Variants in ZFPM2 observed in about 807,000 individuals in gnomAD.
The protein encoded by ZFPM2 is zinc finger protein, FOG family member 2, also known as zinc finger protein ZFPM2.
A neutral mutation model predicts 98.6 loss-of-function variants in ZFPM2; 20 were observed. The ratio of observed to expected loss-of-function variants is 0.20; its 90% CI spans 0.14 to 0.29. The LOEUF (loss-of-function observed/expected upper bound fraction) is 0.29, where lower values mean the gene tolerates loss of function less well. Among genes scored for constraint, ZFPM2 ranks in the 10% least tolerant of loss-of-function variants. The pLI, the probability that ZFPM2 is intolerant of heterozygous loss-of-function variation, is 1.00. For synonymous variants in ZFPM2, 518 were observed against 502.7 expected (o/e 1.03, Z -0.41); for missense variants, 1,310 against 1,388.6 (o/e 0.94, Z 0.90).
chr8:105,325,476 T>G (rs1045656946), intron 1 of ZFPM2, among the ~76,000 whole-genome samples: 3 of 151,822 alleles, frequency 2.0e-5, no homozygotes, highest in African/African-American at 7.2e-5. Flanking sequence ...TAGTATTAAT[T>G]AATCACCATT....
At chr8:105,719,144 T>C (rs1208731428) in intron 5 of ZFPM2, among the ~76,000 whole-genome samples, 2 of 151,964 alleles carry the variant, frequency 1.3e-5, no homozygotes, top group African/African-American at 4.8e-5. Context: ...TTCTAACAAC[T>C]ATCATCTGCA....
intron 5 of ZFPM2, among the ~76,000 whole-genome samples, chr8:105,646,426 G>T (rs890236135): frequency 2.0e-5 from 3 of 152,098 alleles, no homozygotes; most frequent in Non-Finnish European, 4.4e-5. Context: ...GCGATGAGGG[G>T]TATGATGAGG....
At chr8:105,795,457 G>A (rs1489534379) in intron 6 of ZFPM2, among the ~76,000 whole-genome samples, 2 of 151,254 alleles carry the variant, frequency 1.3e-5, no homozygotes, top group African/African-American at 4.9e-5. Flanking sequence ...TGCTTCTATA[G>A]TAGAAAAAAT....
chr8:105,611,380 A>G (rs1375852300), intron 4 of ZFPM2, among the ~76,000 whole-genome samples: 1 of 152,174 alleles, frequency 6.6e-6, no homozygotes, highest in Non-Finnish European at 1.5e-5. Context: ...ATTCAGTCAG[A>G]TTGCCTTCCT....
chr8:105,675,782 T>A (rs1379385712), intron 5 of ZFPM2: 2 of 152,180 alleles, frequency 1.3e-5, no homozygotes, highest in South Asian at 2.1e-4. Flanking sequence ...AACTTCTAAT[T>A]TCCATTTATT....
At chr8:105,644,296 T>TAA (rs199514731) in intron 5 of ZFPM2, among the ~76,000 whole-genome samples, 7 of 126,212 alleles carry the variant, frequency 5.5e-5, no homozygotes, top group Admixed American at 3.8e-4. Context: ...TTTTTTTTTT[T>TAA]TAAAAAAAAA....
At chr8:105,788,074 A>T (rs1586266651) in intron 5 of ZFPM2, among the ~76,000 whole-genome samples, 1 of 152,296 alleles carries the variant, frequency 6.6e-6, no homozygotes, top group East Asian at 1.9e-4. Flanking sequence ...CAGGAAGTTC[A>T]ATCAGGGTAA....
At chr8:105,778,942 C>A (rs1813177842) in intron 5 of ZFPM2, among the ~76,000 whole-genome samples, 2 of 140,754 alleles carry the variant, frequency 1.4e-5, no homozygotes, top group Admixed American at 1.4e-4. Context: ...TGTTTTTTCC[C>A]TATTAAATAT....
At position 105,608,719 on chromosome 8, in the gene ZFPM2, C is replaced by G. The variant is rs1459698760; in HGVS notation, c.421-25527C>G. ...GAAATTATAGTAAGAAAAAGAAATA[C>G]AAATATCCAGGAAGAAATATCCTTA... is the stretch of plus-strand genomic sequence containing the variant. On this transcript the variant is annotated intron_variant, in intron 4 of 7. Coordinates refer to ENST00000407775, the MANE Select transcript of ZFPM2 (RefSeq NM_012082.4). Among the ~76,000 whole-genome samples, 5 of 148,444 alleles carry G rather than the reference C, an allele frequency of 3.4e-5. No homozygotes were observed. In the East Asian group the frequency reaches 1.0e-3, roughly 30 times the overall value.
intron 5 of ZFPM2, among the ~76,000 whole-genome samples, chr8:105,639,714 A>C (rs895874578): frequency 7.2e-5 from 11 of 152,058 alleles, no homozygotes; most frequent in African/African-American, 2.7e-4. Flanking sequence ...CCTTGTGGTC[A>C]TAAGTCAGTA....
intron 5 of ZFPM2, among the ~76,000 whole-genome samples, chr8:105,764,708 T>C (rs1812819944): frequency 6.6e-6 from 1 of 151,796 alleles, no homozygotes; most frequent in South Asian, 2.1e-4. Context: ...CATGGTTCAT[T>C]GCTATACTTG....
chr8:105,778,645 T>C (rs1813166871), intron 5 of ZFPM2, among the ~76,000 whole-genome samples: 1 of 152,208 alleles, frequency 6.6e-6, no homozygotes, highest in Admixed American at 6.5e-5. Flanking sequence ...TTGTCATCAG[T>C]TGACCATCTT....
At chr8:105,748,317 C>G (rs1260133349) in intron 5 of ZFPM2, among the ~76,000 whole-genome samples, 1 of 152,002 alleles carries the variant, frequency 6.6e-6, no homozygotes, top group Non-Finnish European at 1.5e-5. Flanking sequence ...AAGGAAAGCT[C>G]TAGACCAAGC....
chr8:105,746,654 A>ATTTTTTTTTTTTTTTTTTTTTTTT lies in ZFPM2; in HGVS notation c.533-42064_533-42063insTTTTTTTTTTTTTTTTTTTTTTTT, dbSNP rs1563546914. 2.7e-5 allele frequency among the ~76,000 whole-genome samples: 3 copies of ATTTTTTTTTTTTTTTTTTTTTTTT among 112,052 alleles called. 1 individual carries two copies. The highest frequency in any genetic ancestry group is 6.4e-5 in the African/African-American group (2 of 31,218). 73.5% of individuals were successfully genotyped at this position (112,052 alleles called of 152,430 possible). ...TGCGTTTTCTTGTTCTGTTTTTAAA[A>ATTTTTTTTTTTTTTTTTTTTTTTT]ATTTTTTTTTTTTTTTTTTTTTTGG... On this transcript the variant is annotated intron_variant, in intron 5 of 7. Transcript: ENST00000407775.
At chr8:105,676,500 G>T (rs1488940934) in intron 5 of ZFPM2, among the ~76,000 whole-genome samples, 6 of 151,846 alleles carry the variant, frequency 4.0e-5, no homozygotes, top group Non-Finnish European at 8.8e-5. Flanking sequence ...TTCTGACCTG[G>T]AACAAACAAT....
At chr8:105,799,490 T>G (rs1426388174) in intron 7 of ZFPM2, among the ~76,000 whole-genome samples, 2 of 152,146 alleles carry the variant, frequency 1.3e-5, no homozygotes, top group Non-Finnish European at 2.9e-5. Flanking sequence ...TTTATGACAT[T>G]AAACTACTTT....
At chr8:105,659,487 T>A (rs2130883565) in intron 5 of ZFPM2, among the ~76,000 whole-genome samples, 1 of 152,328 alleles carries the variant, frequency 6.6e-6, no homozygotes, top group South Asian at 2.1e-4. Flanking sequence ...GGATGAGCAA[T>A]TCATTTAAAA....
chr8:105,321,974 G>T (rs1017755448), intron 1 of ZFPM2, among the ~76,000 whole-genome samples: 1 of 151,990 alleles, frequency 6.6e-6, no homozygotes, highest in African/African-American at 2.4e-5. Context: ...TATGTATTTT[G>T]CCCCCATGTT....
intron 3 of ZFPM2, among the ~76,000 whole-genome samples, chr8:105,445,898 C>T (rs997764171): frequency 4.0e-5 from 6 of 151,496 alleles, no homozygotes; most frequent in African/African-American, 1.5e-4. Context: ...CTGCACCCAG[C>T]CTCTTACAGT....
Sources: allele counts gnomAD v4.1 joint callset (sites outside exome capture counted in the v4.1 genomes callset), GRCh38; gene constraint gnomAD v4.1.1; transcripts MANE v1.5; gene names NCBI Gene and HGNC (gene_info 2026-07-23, HGNC 2026-07-21).